The following TBL1X variants were observed in gnomAD, a reference collection of about 807,000 sequenced individuals.
TBL1X encodes F-box-like/WD repeat-containing protein TBL1X.
TBL1X carries 10 observed loss-of-function variants against 50.7 expected under a neutral mutation model. That is an observed-to-expected ratio of 0.20 (90% CI 0.12 to 0.33). The LOEUF (loss-of-function observed/expected upper bound fraction) is 0.33, where lower values mean the gene tolerates loss of function less well. Among genes scored for constraint, TBL1X ranks in the 10% least tolerant of loss-of-function variants. TBL1X has a pLI of 1.00. For synonymous variants in TBL1X, 190 were observed against 214.7 expected (o/e 0.88, Z 1.01); for missense variants, 340 against 504.4 (o/e 0.67, Z 3.12).
chrX:9,511,921 C>T (rs1281186843), intron 2 of TBL1X, among the ~76,000 whole-genome samples: 1 of 111,311 alleles, frequency 9.0e-6, no homozygotes, highest in Non-Finnish European at 1.9e-5. Flanking sequence ...CGTGCGGTGG[C>T]GCGATCTCAG....
At chrX:9,548,806 G>C (rs1381127234) in intron 2 of TBL1X, among the ~76,000 whole-genome samples, 1 of 112,593 alleles carries the variant, frequency 8.9e-6, no homozygotes, top group Non-Finnish European at 1.9e-5. Context: ...GAATTAGAAG[G>C]ATTTCTCTAG....
chrX:9,608,151 T>G (rs945289041), intron 2 of TBL1X, among the ~76,000 whole-genome samples: 1 of 110,566 alleles, frequency 9.0e-6, no homozygotes, highest in Non-Finnish European at 1.9e-5. Context: ...ATGATTGGAC[T>G]GGGGTGGTAG....
intron 15 of TBL1X, among the ~76,000 whole-genome samples, chrX:9,710,390 C>A (rs1352133981): frequency 9.1e-6 from 1 of 109,955 alleles, no homozygotes; most frequent in Non-Finnish European, 1.9e-5. Context: ...GAGACGGAAC[C>A]AAAAAAACAA....
chrX:9,572,962 A>G (rs1488863956), intron 2 of TBL1X, among the ~76,000 whole-genome samples: 1 of 112,842 alleles, frequency 8.9e-6, no homozygotes, highest in South Asian at 3.6e-4. Flanking sequence ...TACCTGTAGC[A>G]GTACACATTC....
At chrX:9,473,992 C>A (rs2146926317) in intron 1 of TBL1X, among the ~76,000 whole-genome samples, 1 of 112,221 alleles carries the variant, frequency 8.9e-6, no homozygotes, top group African/African-American at 3.2e-5. Flanking sequence ...TTCCTTTAAG[C>A]CAGTAGTCTC....
At chrX:9,465,814 T>A (rs1213908188) in intron 1 of TBL1X, among the ~76,000 whole-genome samples, 1 of 112,785 alleles carries the variant, frequency 8.9e-6, no homozygotes, top group Non-Finnish European at 1.9e-5. Context: ...ATTCAGGGGC[T>A]TGCTGGGCAA....
At chrX:9,694,959 CAAATAAATAAATAAAT>C (rs58923242) in intron 11 of TBL1X, among the ~76,000 whole-genome samples, 1 of 100,234 alleles carries the variant, frequency 1.0e-5, no homozygotes, top group African/African-American at 3.6e-5. Flanking sequence ...AACTTCATCT[CAAATAAATAAATAAAT>C]AAATAAATAA....
chrX:9,708,907 A>G (rs1346671004), intron 13 of TBL1X, among the ~76,000 whole-genome samples: 2 of 111,800 alleles, frequency 1.8e-5, no homozygotes, highest in Admixed American at 1.9e-4. Flanking sequence ...TCAAAGGCCA[A>G]TTTAAAAAGT....
chrX:9,588,183 C>T (rs1160490928), intron 2 of TBL1X, among the ~76,000 whole-genome samples: 4 of 111,516 alleles, frequency 3.6e-5, no homozygotes, highest in Admixed American at 1.9e-4. Context: ...GATACATAAT[C>T]CAGAGGTGAT....
At chrX:9,485,296 T>A (rs993214244) in intron 1 of TBL1X, among the ~76,000 whole-genome samples, 1 of 112,345 alleles carries the variant, frequency 8.9e-6, no homozygotes, top group African/African-American at 3.2e-5. Flanking sequence ...TTATGATAGT[T>A]AATCGTTTGT....
intron 17 of TBL1X, 100 bp from the exon 18 acceptor site, chrX:9,716,120 G>T: frequency 2.3e-6 from 2 of 875,105 alleles, no homozygotes; most frequent in Non-Finnish European, 3.3e-6. Flanking sequence ...ATCGGTGGAG[G>T]GCTAGATTGG....
intron 2 of TBL1X, among the ~76,000 whole-genome samples, chrX:9,537,159 G>C (rs1409391392): frequency 9.0e-6 from 1 of 111,247 alleles, no homozygotes; most frequent in Non-Finnish European, 1.9e-5. Flanking sequence ...GGGATCCAAA[G>C]GGATCTTGGT....
At chrX:9,703,191 G>GGGTT (rs1226356022) in intron 12 of TBL1X, among the ~76,000 whole-genome samples, 3 of 109,449 alleles carry the variant, frequency 2.7e-5, no homozygotes, top group South Asian at 4.2e-4. Flanking sequence ...TAAGAGGGTG[G>GGGTT]GGTTGCTCAG....
intron 2 of TBL1X, among the ~76,000 whole-genome samples, chrX:9,606,879 A>G (rs147939710): frequency 9.4e-4 from 105 of 112,183 alleles, no homozygotes; most frequent in African/African-American, 3.2e-3. Flanking sequence ...CTGTCTCTCT[A>G]TGTTCCTTCT....
chrX:9,497,453 A>C (rs2081976744), intron 1 of TBL1X, among the ~76,000 whole-genome samples: 1 of 107,470 alleles, frequency 9.3e-6, no homozygotes, highest in Non-Finnish European at 1.9e-5. Flanking sequence ...AGAAAGCCTG[A>C]AGCCCACAAG....
intron 6 of TBL1X, among the ~76,000 whole-genome samples, chrX:9,686,179 T>A (rs748079271): frequency 1.8e-5 from 2 of 111,941 alleles, no homozygotes; most frequent in South Asian, 7.5e-4. Context: ...CTGTCTAGTT[T>A]CCTCACTGCA....
chrX:9,712,476 TA>T (rs1413553267), intron 16 of TBL1X, among the ~76,000 whole-genome samples: 1 of 112,388 alleles, frequency 8.9e-6, no homozygotes, highest in Non-Finnish European at 1.9e-5. Flanking sequence ...TAGCTGGAAT[TA>T]CAGGCACCCG....
chrX:9,698,334 G>A (rs1478653513), intron 12 of TBL1X, among the ~76,000 whole-genome samples: 1 of 111,100 alleles, frequency 9.0e-6, no homozygotes, highest in Non-Finnish European at 1.9e-5. Context: ...AGGATTGGTG[G>A]TTTGCTGCGA....
At chrX:9,554,705 C>T (rs746662100) in intron 2 of TBL1X, among the ~76,000 whole-genome samples, 8 of 112,143 alleles carry the variant, frequency 7.1e-5, no homozygotes, top group Non-Finnish European at 1.3e-4. Context: ...AATCATCTTT[C>T]CTTCAAAGAT....
Sources: allele counts gnomAD v4.1 joint callset (sites outside exome capture counted in the v4.1 genomes callset), GRCh38; gene constraint gnomAD v4.1.1; transcripts MANE v1.5; gene names NCBI Gene and HGNC (gene_info 2026-07-23, HGNC 2026-07-21).